Variants in LRRTM4 observed in about 807,000 individuals in gnomAD.
LRRTM4 encodes the protein leucine rich repeat transmembrane neuronal 4, also known as leucine-rich repeat transmembrane neuronal protein 4.
A neutral mutation model predicts 47.6 loss-of-function variants in LRRTM4; 25 were observed. That is an observed-to-expected ratio of 0.53 (90% CI 0.38 to 0.73). The LOEUF (loss-of-function observed/expected upper bound fraction) is 0.73, where lower values mean the gene tolerates loss of function less well. Ranked by LOEUF, LRRTM4 falls within the 30% of genes least tolerant of loss-of-function variation. The pLI is 0.00. For missense variants in LRRTM4, 638 were observed against 713.4 expected, an observed-to-expected ratio of 0.89 and a Z score of 1.20; for synonymous variants, 311 against 269.5, an observed-to-expected ratio of 1.15 and a Z score of -1.51.
chr2:76,852,781 CA>C (rs1672036134), intron 3 of LRRTM4, among the ~76,000 whole-genome samples: 2 of 152,140 alleles, frequency 1.3e-5, no homozygotes, highest in East Asian at 3.9e-4. Context: ...TTAAATATTA[CA>C]AAGTCTAATT....
At chr2:77,000,642 T>G (rs1677386178) in intron 3 of LRRTM4, among the ~76,000 whole-genome samples, 1 of 152,184 alleles carries the variant, frequency 6.6e-6, no homozygotes, top group Non-Finnish European at 1.5e-5. Context: ...GTTTGTTGTT[T>G]GTGGAACAGG....
At chr2:77,521,854 AAT>A (rs1679522241) in intron 1 of LRRTM4, 36 bp from the exon 2 acceptor site, 2 of 366,548 alleles carry the variant, frequency 5.5e-6, no homozygotes, top group South Asian at 5.4e-5. Flanking sequence ...AAAAAAAAAA[AAT>A]ACATATATAT....
chr2:77,271,426 C>T lies in LRRTM4; in HGVS notation c.1551+246892G>A, dbSNP rs1278339082. Among the ~76,000 whole-genome samples, 6 of 152,304 alleles carry T rather than the reference C, an allele frequency of 3.9e-5. No individual in the cohort carries two copies. The East Asian group carries it at 1.2e-3, about 30-fold the overall frequency. On this transcript the variant is annotated intron_variant, in intron 3 of 3. Coordinates refer to ENST00000409884, the MANE Select transcript of LRRTM4 (RefSeq NM_001134745.3). ...GCTTGCGCCTGGTCTGGCTGTGGGT[C>T]CTGCATGGAGCTTGTTCCTGTGCCA...
Position 76,798,248 on chromosome 2 carries a change from A to G in LRRTM4, c.1552-49332T>C, listed in dbSNP as rs972469887. Among the ~76,000 whole-genome samples the G allele has an allele frequency of 8.5e-5, 13 of 152,270 alleles. No individual in the cohort carries two copies. The South Asian group carries it at 2.7e-3, about 32-fold the overall frequency. ...AAAAGAGCAGAGATTATAACAAACTATCTCTCAGACCACAGTGCAATTAAA... is the reference window on the plus strand; with the variant it reads ...AAAAGAGCAGAGATTATAACAAACTGTCTCTCAGACCACAGTGCAATTAAA... On this transcript the variant is annotated intron_variant, in intron 3 of 3. Transcript: ENST00000409884.
At chr2:77,090,000 A>T (rs1028959783) in intron 3 of LRRTM4, among the ~76,000 whole-genome samples, 5 of 151,860 alleles carry the variant, frequency 3.3e-5, no homozygotes, top group African/African-American at 4.8e-5. Context: ...AGCATCGCTG[A>T]GTCTTTGTTA....
chr2:77,261,991 G>A (rs1271216804), intron 3 of LRRTM4, among the ~76,000 whole-genome samples: 1 of 151,978 alleles, frequency 6.6e-6, no homozygotes, highest in African/African-American at 2.4e-5. Flanking sequence ...TGCCACCTGA[G>A]CTCCACCTCC....
intron 3 of LRRTM4, among the ~76,000 whole-genome samples, chr2:76,815,347 C>T (rs145574835): frequency 3.3e-5 from 5 of 151,968 alleles, no homozygotes; most frequent in Non-Finnish European, 5.9e-5. Flanking sequence ...GGGCCTGGCT[C>T]CAAGCCTGCC....
intron 3 of LRRTM4, among the ~76,000 whole-genome samples, chr2:77,189,522 T>G (rs955426219): frequency 1.7e-4 from 26 of 152,234 alleles, no homozygotes; most frequent in Admixed American, 1.6e-3. Context: ...AGTGCTCTTA[T>G]AAAAGAAACT....
At chr2:76,973,341 T>C (rs1196844072) in intron 3 of LRRTM4, among the ~76,000 whole-genome samples, 1 of 152,036 alleles carries the variant, frequency 6.6e-6, no homozygotes, top group East Asian at 1.9e-4. Context: ...CCCAATTAGA[T>C]TGAATAGCTA....
chr2:76,757,781 T>G (rs1648541601), intron 3 of LRRTM4, among the ~76,000 whole-genome samples: 2 of 152,138 alleles, frequency 1.3e-5, no homozygotes, highest in South Asian at 4.1e-4. Context: ...GAAGACAAGT[T>G]TCTCCTAAAA....
At chr2:77,397,725 T>A (rs1359965758) in intron 3 of LRRTM4, among the ~76,000 whole-genome samples, 1 of 151,842 alleles carries the variant, frequency 6.6e-6, no homozygotes, top group Non-Finnish European at 1.5e-5. Context: ...ATGGTTTTCT[T>A]CCCACGTGCT....
chr2:77,033,502 A>C (rs910084757), intron 3 of LRRTM4, among the ~76,000 whole-genome samples: 2 of 151,938 alleles, frequency 1.3e-5, no homozygotes, highest in Non-Finnish European at 2.9e-5. Flanking sequence ...GACAAATTAA[A>C]TCACCATTCC....
intron 3 of LRRTM4, among the ~76,000 whole-genome samples, chr2:76,782,626 G>A (rs1437122239): frequency 1.3e-5 from 2 of 152,092 alleles, no homozygotes; most frequent in African/African-American, 4.8e-5. Flanking sequence ...ATGATGCCCT[G>A]CACGGGTCTG....
intron 3 of LRRTM4, among the ~76,000 whole-genome samples, chr2:77,481,148 C>G (rs1449910488): frequency 6.6e-6 from 1 of 152,148 alleles, no homozygotes; most frequent in Non-Finnish European, 1.5e-5. Flanking sequence ...ATTAACTAAC[C>G]TTATAGAATA....
At chr2:77,014,122 T>C (rs1227872537) in intron 3 of LRRTM4, among the ~76,000 whole-genome samples, 1 of 152,148 alleles carries the variant, frequency 6.6e-6, no homozygotes, top group Non-Finnish European at 1.5e-5. Context: ...AGTTTTTTGT[T>C]TGATCCCCCT....
intron 3 of LRRTM4, among the ~76,000 whole-genome samples, chr2:76,990,605 C>T (rs553853965): frequency 6.6e-6 from 1 of 151,880 alleles, no homozygotes; most frequent in Admixed American, 6.6e-5. Context: ...CTTAACCATC[C>T]TTAGTACATA....
chr2:77,403,654 T>C (rs1450168969), intron 3 of LRRTM4, among the ~76,000 whole-genome samples: 9 of 151,922 alleles, frequency 5.9e-5, no homozygotes. Context: ...TGGCAGGTCT[T>C]AGCTAATTGA....
At chr2:76,906,442 C>A (rs996146960) in intron 3 of LRRTM4, among the ~76,000 whole-genome samples, 1 of 151,646 alleles carries the variant, frequency 6.6e-6, no homozygotes. Context: ...CATCAACTAA[C>A]GAGCAAAATA....
rs574105630 is a variant in LRRTM4 at position 76,843,341 on chromosome 2, C to CT, written c.1552-94426dup. 1.3e-4 allele frequency among the ~76,000 whole-genome samples: 20 copies of CT among 152,142 alleles called. No individual in the cohort carries two copies. In the South Asian group the frequency reaches 3.7e-3, roughly 28 times the overall value. ...TTCCAAAAATATTTAAGATTGACTT[C>CT]TAAAGATACCCTTTTTTAAAAAAAA... On this transcript the variant is annotated intron_variant, in intron 3 of 3. Coordinates refer to ENST00000409884, the MANE Select transcript of LRRTM4 (RefSeq NM_001134745.3).
Sources: gnomAD v4.1 joint callset for allele counts (sites outside exome capture counted in the v4.1 genomes callset) on GRCh38, gnomAD v4.1.1 for gene constraint, MANE v1.5 for transcripts, NCBI Gene and HGNC (gene_info 2026-07-23, HGNC 2026-07-21) for gene names.